The following CEMIP variants were observed in gnomAD, a reference collection of about 807,000 sequenced individuals.
CEMIP encodes the protein cell migration inducing hyaluronidase 1.
CEMIP carries 105 observed loss-of-function variants against 156.9 expected under a neutral mutation model. The ratio of observed to expected loss-of-function variants is 0.67; its 90% CI spans 0.57 to 0.79. CEMIP has a LOEUF of 0.79. CEMIP is among the 30% of genes least tolerant of loss of function. The pLI is 0.00. For synonymous variants in CEMIP, 676 were observed against 668.4 expected (o/e 1.01, Z -0.17); for missense variants, 1,457 against 1,769.4 (o/e 0.82, Z 3.17).
At chr15:80,840,063 G>A (rs1442271077) in intron 1 of CEMIP, among the ~76,000 whole-genome samples, 2 of 152,216 alleles carry the variant, frequency 1.3e-5, no homozygotes, top group Non-Finnish European at 2.9e-5. Context: ...GGCCAGCAGG[G>A]AAGAGAAAGT....
chr15:80,900,444 G>A (rs1280399013), intron 12 of CEMIP, among the ~76,000 whole-genome samples: 1 of 152,020 alleles, frequency 6.6e-6, no homozygotes, highest in Non-Finnish European at 1.5e-5. Context: ...TTGTTTCCGC[G>A]TTAGCCCCAC....
chr15:80,922,877 T>C (rs1325435055), intron 17 of CEMIP, among the ~76,000 whole-genome samples: 1 of 152,102 alleles, frequency 6.6e-6, no homozygotes, highest in African/African-American at 2.4e-5. Flanking sequence ...ACGCTCTTTG[T>C]TGGGGCAGAG....
intron 4 of CEMIP, 63 bp downstream of exon 4, chr15:80,878,930 A>T: frequency 1.2e-6 from 2 of 1,602,962 alleles, no homozygotes; most frequent in Non-Finnish European, 1.7e-6. Context: ...AGCAGATAGG[A>T]TGCAGGTTGC....
Position 80,850,402 on chromosome 15 carries a change from A to G in CEMIP, c.-175-23136A>G, listed in dbSNP as rs145979527. On this transcript the variant is annotated intron_variant, in intron 1 of 29. Coordinates refer to ENST00000394685, the MANE Select transcript of CEMIP (RefSeq NM_001293298.2). The stretch of plus-strand genomic sequence containing the variant: ...AGTGATTCTCATGTCTCAGCCTCCC[A>G]AGTAGCCGGGATTACAAACATGTGC... 5.9e-4 allele frequency among the ~76,000 whole-genome samples: 90 copies of G among 152,204 alleles called. 2 individuals are homozygous for G. The East Asian group carries it at 0.017, about 29-fold the overall frequency.
At chr15:80,820,033 C>G (rs759247587) in intron 1 of CEMIP, among the ~76,000 whole-genome samples, 6 of 152,306 alleles carry the variant, frequency 3.9e-5, no homozygotes, top group Non-Finnish European at 8.8e-5. Flanking sequence ...GCTCAACCAG[C>G]CTTTCTCTTG....
chr15:80,949,692 G>A lies in CEMIP; in HGVS notation c.*768G>A, dbSNP rs1464178719. On this transcript the variant is annotated 3_prime_UTR_variant, in exon 30 of 30. Transcript: ENST00000394685. ...GGTGAGAACTAATGCCTAGCTTGAG[G>A]GGTCTGCAGTCCAGTAGGGCAGGCA... 1 of 154,416 alleles carries A rather than the reference G, an allele frequency of 6.5e-6. No homozygotes were observed. The highest frequency in any genetic ancestry group is 2.4e-5 in the African/African-American group (1 of 41,460). The allele number at this position is 154,416 out of a possible 1,614,324, so 9.6% of individuals were successfully genotyped here.
chr15:80,800,990 C>G (rs754292469), intron 1 of CEMIP, among the ~76,000 whole-genome samples: 2 of 152,200 alleles, frequency 1.3e-5, no homozygotes, highest in Non-Finnish European at 2.9e-5. Context: ...TAGACTCTAG[C>G]AACATCCTAG....
chr15:80,783,248 G>A (rs986670388), intron 1 of CEMIP, among the ~76,000 whole-genome samples: 2 of 152,238 alleles, frequency 1.3e-5, no homozygotes, highest in Non-Finnish European at 1.5e-5. Context: ...TAGCTCAAAA[G>A]AGAAATGCAA....
intron 1 of CEMIP, among the ~76,000 whole-genome samples, chr15:80,794,306 G>C (rs995108792): frequency 6.6e-6 from 1 of 152,074 alleles, no homozygotes; most frequent in South Asian, 2.1e-4. Context: ...TCCTTTGCTT[G>C]TCTGACTCAT....
At position 80,931,932 on chromosome 15, in the gene CEMIP, G is replaced by C; in HGVS notation, c.2686G>C (p.Val896Leu). The C allele has an allele frequency of 6.2e-7, 1 of 1,614,228 alleles. No individual in the cohort carries two copies. The highest frequency in any genetic ancestry group is 8.5e-7 in the Non-Finnish European group (1 of 1,180,046). Residue 896 changes from valine (V) to leucine (L), a missense_variant, in exon 22 of 30, where the codon GTG becomes CTG. By Grantham distance (32) the Val-to-Leu change is conservative. Around this residue, in one of 5 missense-constraint regions of CEMIP, gnomAD observed 798 missense variants for 980.1 expected, o/e 0.81. Coordinates refer to ENST00000394685, the MANE Select transcript of CEMIP (RefSeq NM_001293298.2). ...CCAAAACTGCACTTTCCGAAAGTTT[G>C]TGGCCCTGGAGGGCCGGCACACCAG... The part of the protein sequence containing the change: ...NIQNCTFRKF[V>L]ALEGRHTSAL...
chr15:80,857,633 C>T (rs2099730340), intron 1 of CEMIP, among the ~76,000 whole-genome samples: 1 of 152,204 alleles, frequency 6.6e-6, no homozygotes, highest in South Asian at 2.1e-4. Flanking sequence ...GATTGCCAGT[C>T]AGTGGCCTGG....
intron 25 of CEMIP, 137 bp downstream of exon 25, chr15:80,938,116 A>AG (rs984221336): frequency 3.7e-5 from 27 of 729,548 alleles, no homozygotes; most frequent in Admixed American, 2.3e-4. Flanking sequence ...TTTGACTCTA[A>AG]GGCTGACTGT....
In CEMIP at chr15:80,948,786, T is replaced by C. The variant is rs753616170; in HGVS notation, c.3959-11T>C. On this transcript the variant is annotated splice_polypyrimidine_tract_variant and intron_variant, in intron 29 of 29. Coordinates refer to ENST00000394685, the MANE Select transcript of CEMIP (RefSeq NM_001293298.2). ...GGGCTTTTGCTCAGGAGACTCATCA[T>C]TGCTTTTCAGAGCAAATGGCATTCG... The C allele has an allele frequency of 6.2e-7, 1 of 1,614,078 alleles. No individual in the cohort carries two copies. Among genetic ancestry groups the C allele is most frequent in the Non-Finnish European group, 8.5e-7 (1 of 1,180,028 alleles).
intron 3 of CEMIP, among the ~76,000 whole-genome samples, chr15:80,878,466 G>A (rs1898541569): frequency 6.6e-6 from 1 of 152,196 alleles, no homozygotes; most frequent in South Asian, 2.1e-4. Context: ...TTTATTAAAT[G>A]GGGAAACTGA....
rs1901718299 is a variant in CEMIP at position 80,949,358 on chromosome 15, T to C, written c.*434T>C. On this transcript the variant is annotated 3_prime_UTR_variant, in exon 30 of 30. Transcript: ENST00000394685. ...TCAGCAGACAAGTGAGGGTGGTAAA[T>C]GTAGGAGAAAGAGCCTTGGCCTTAA... 1.7e-5 allele frequency: 5 copies of C among 295,152 alleles called. No individual in the cohort carries two copies. The highest frequency in any genetic ancestry group is 1.4e-4 in the South Asian group (4 of 28,998). The allele number at this position is 295,152 out of a possible 1,614,324, so 18.3% of individuals were successfully genotyped here.
chr15:80,943,360 T>C (rs1901417126), intron 28 of CEMIP, among the ~76,000 whole-genome samples: 2 of 152,204 alleles, frequency 1.3e-5, no homozygotes, highest in Admixed American at 1.3e-4. Flanking sequence ...AAGGTTGCCC[T>C]GGCCCTCTTC....
intron 14 of CEMIP, among the ~76,000 whole-genome samples, chr15:80,917,333 T>G (rs1006032368): frequency 1.3e-5 from 2 of 151,004 alleles, no homozygotes; most frequent in Non-Finnish European, 2.9e-5. Context: ...GGCCTGAGTT[T>G]GATCACAGCT....
intron 12 of CEMIP, chr15:80,896,489 C>T (rs1042402576): frequency 2.6e-6 from 1 of 377,640 alleles, no homozygotes; most frequent in African/African-American, 2.1e-5. Flanking sequence ...AAGCATATGT[C>T]TGTCACCAAG....
Position 80,816,532 on chromosome 15 carries a change from C to G in CEMIP, c.-176+36918C>G, listed in dbSNP as rs181101405. Among the ~76,000 whole-genome samples, 51 of 152,278 alleles carry G rather than the reference C, an allele frequency of 3.3e-4. No individual in the cohort carries two copies. In the East Asian group the frequency reaches 7.7e-3, roughly 23 times the overall value. On this transcript the variant is annotated intron_variant, in intron 1 of 29. Coordinates refer to ENST00000394685, the MANE Select transcript of CEMIP (RefSeq NM_001293298.2). The stretch of plus-strand genomic sequence containing the variant: ...CACAAATAAGCCACACCTCCTGGCC[C>G]AGGTCAAGCTACTTGTCCTCTGGGA...
Sources: gnomAD v4.1 joint callset for allele counts (sites outside exome capture counted in the v4.1 genomes callset) on GRCh38, gnomAD v4.1.1 for gene constraint, gnomAD v4.1.1 regional missense constraint, MANE v1.5 for transcripts, NCBI Gene and HGNC (gene_info 2026-07-23, HGNC 2026-07-21) for gene names.